Variants in FAR2 observed in about 807,000 individuals in gnomAD.
FAR2 encodes fatty acyl-CoA reductase 2, also known as epididymis secretory protein Li 81.
FAR2 carries 19 observed loss-of-function variants against 56.0 expected under a neutral mutation model. The observed-to-expected ratio is 0.34, with a 90% confidence interval of 0.24 to 0.50. The LOEUF is 0.50. Among genes scored for constraint, FAR2 ranks in the 20% least tolerant of loss-of-function variants. FAR2 has a pLI of 0.98. For missense variants in FAR2, 508 were observed against 642.2 expected, an observed-to-expected ratio of 0.79 and a Z score of 2.26; for synonymous variants, 219 against 218.8, an observed-to-expected ratio of 1.00 and a Z score of -0.01.
chr12:29,305,367 G>A (rs1208249882), intron 4 of FAR2, among the ~76,000 whole-genome samples: 1 of 151,890 alleles, frequency 6.6e-6, no homozygotes, highest in Admixed American at 6.6e-5. Context: ...CAAACTCCTG[G>A]ACTCAAACGA....
At chr12:29,289,173 T>G (rs1234206502) in intron 2 of FAR2, among the ~76,000 whole-genome samples, 1 of 151,282 alleles carries the variant, frequency 6.6e-6, no homozygotes, top group African/African-American at 2.5e-5. Context: ...ACATTATTCA[T>G]AGAAATAGAA....
chr12:29,154,414 G>A (rs1048174981), intron 1 of FAR2, among the ~76,000 whole-genome samples: 1 of 141,414 alleles, frequency 7.1e-6, no homozygotes, highest in Non-Finnish European at 1.5e-5. Flanking sequence ...TTTTGTTTTT[G>A]TTTTTTTTTT....
At chr12:29,290,529 C>T (rs776723362) in intron 2 of FAR2, among the ~76,000 whole-genome samples, 12 of 152,068 alleles carry the variant, frequency 7.9e-5, no homozygotes, top group Non-Finnish European at 1.6e-4. Context: ...AAATCAGTAT[C>T]TCAAAGAGGT....
At chr12:29,199,905 T>TA (rs1439166079) in intron 1 of FAR2, among the ~76,000 whole-genome samples, 2 of 152,154 alleles carry the variant, frequency 1.3e-5, no homozygotes, top group Non-Finnish European at 2.9e-5. Flanking sequence ...ATTCATTTTT[T>TA]AAAATATGTT....
chr12:29,253,045 T>A (rs944441228), intron 1 of FAR2, among the ~76,000 whole-genome samples: 1 of 152,066 alleles, frequency 6.6e-6, no homozygotes, highest in Non-Finnish European at 1.5e-5. Context: ...TACCAACAGA[T>A]GTCCTTTGGA....
intron 1 of FAR2, among the ~76,000 whole-genome samples, chr12:29,187,078 G>A (rs945454742): frequency 3.3e-5 from 5 of 152,170 alleles, no homozygotes; most frequent in African/African-American, 1.2e-4. Flanking sequence ...GTGAGCCACT[G>A]CGCCCGGCCC....
intron 1 of FAR2, among the ~76,000 whole-genome samples, chr12:29,204,181 C>T (rs892801376): frequency 6.6e-6 from 1 of 151,716 alleles, no homozygotes; most frequent in East Asian, 1.9e-4. Flanking sequence ...AAGATGTCTG[C>T]GTACAAAATG....
At chr12:29,315,576 C>T (rs1949434403) in intron 8 of FAR2, among the ~76,000 whole-genome samples, 1 of 152,178 alleles carries the variant, frequency 6.6e-6, no homozygotes, top group Non-Finnish European at 1.5e-5. Context: ...TACTGCAACA[C>T]TCCAGGCTAC....
At chr12:29,155,019 T>TA (rs1949715446) in intron 1 of FAR2, among the ~76,000 whole-genome samples, 1 of 152,232 alleles carries the variant, frequency 6.6e-6, no homozygotes, top group Admixed American at 6.5e-5. Flanking sequence ...TTGACTCTGT[T>TA]AATAGGCATT....
chr12:29,218,756 G>A (rs1234141520), intron 1 of FAR2, among the ~76,000 whole-genome samples: 1 of 151,838 alleles, frequency 6.6e-6, no homozygotes, highest in Non-Finnish European at 1.5e-5. Flanking sequence ...AGCTAGAAGG[G>A]GAAAAAGTTA....
intron 1 of FAR2, among the ~76,000 whole-genome samples, chr12:29,200,719 A>G (rs1947398817): frequency 6.6e-6 from 1 of 152,186 alleles, no homozygotes; most frequent in African/African-American, 2.4e-5. Flanking sequence ...TAGTTTACCT[A>G]GCTAACTTGT....
intron 4 of FAR2, among the ~76,000 whole-genome samples, chr12:29,299,399 C>A (rs567360412): frequency 1.3e-5 from 2 of 152,170 alleles, no homozygotes; most frequent in Non-Finnish European, 2.9e-5. Flanking sequence ...TATCTTCAGG[C>A]ATTCAGCACT....
At chr12:29,186,133 T>A (rs1950037746) in intron 1 of FAR2, among the ~76,000 whole-genome samples, 1 of 152,224 alleles carries the variant, frequency 6.6e-6, no homozygotes, top group South Asian at 2.1e-4. Flanking sequence ...CCTTTATCAT[T>A]TCAATATGTA....
intron 2 of FAR2, among the ~76,000 whole-genome samples, chr12:29,283,710 C>T (rs1948824313): frequency 6.6e-6 from 1 of 152,196 alleles, no homozygotes; most frequent in African/African-American, 2.4e-5. Flanking sequence ...ATTTCGCACA[C>T]CAAATTTCGT....
Position 29,334,430 on chromosome 12 carries a change from T to C in FAR2, c.*636T>C, listed in dbSNP as rs372440335. 3 of 152,286 alleles carry C rather than the reference T, an allele frequency of 2.0e-5. No homozygotes were observed. The highest frequency in any genetic ancestry group is 7.2e-5 in the African/African-American group (3 of 41,550). 9.4% of individuals were successfully genotyped at this position (152,286 alleles called of 1,614,324 possible). A position where few individuals can be genotyped will look rare whatever the true frequency, so the allele number is the denominator to read the frequency against. ...AACAAGAAGTGTAAATAAGTATGTA[T>C]AGAGTGAGGGATTAAGCATATTTGC... On this transcript the variant is annotated 3_prime_UTR_variant, in exon 12 of 12. Coordinates refer to ENST00000536681, the MANE Select transcript of FAR2 (RefSeq NM_001271783.2).
intron 1 of FAR2, among the ~76,000 whole-genome samples, chr12:29,240,778 A>ATT (rs1948017069): frequency 1.3e-5 from 2 of 150,676 alleles, no homozygotes; most frequent in African/African-American, 4.9e-5. Flanking sequence ...TAGGAATGTC[A>ATT]TTGTGTGTGT....
intron 1 of FAR2, among the ~76,000 whole-genome samples, chr12:29,214,682 G>A (rs1186997988): frequency 3.3e-5 from 5 of 151,912 alleles, no homozygotes; most frequent in African/African-American, 7.3e-5. Flanking sequence ...TTAGCTAGGC[G>A]TGGGGGTGGG....
intron 1 of FAR2, among the ~76,000 whole-genome samples, chr12:29,206,274 C>T (rs1435443273): frequency 6.6e-6 from 1 of 152,184 alleles, no homozygotes; most frequent in Non-Finnish European, 1.5e-5. Context: ...TGCAACATTC[C>T]TTCGAGATTT....
At chr12:29,216,938 C>T (rs10843344) in intron 1 of FAR2, among the ~76,000 whole-genome samples, 38,907 of 152,066 alleles carry the variant, frequency 0.26, 6,376 homozygotes, top group Admixed American at 0.4. Context: ...AGAAACTAAA[C>T]GAATAACAAT....
Sources: allele counts gnomAD v4.1 joint callset (sites outside exome capture counted in the v4.1 genomes callset), GRCh38; gene constraint gnomAD v4.1.1; transcripts MANE v1.5; gene names NCBI Gene and HGNC (gene_info 2026-07-23, HGNC 2026-07-21).